The following ATP10D variants were observed in gnomAD, a reference collection of about 807,000 sequenced individuals.
ATP10D encodes ATPase phospholipid transporting 10D (putative), also known as phospholipid-transporting ATPase VD.
A neutral mutation model predicts 144.8 loss-of-function variants in ATP10D; 89 were observed. The ratio of observed to expected loss-of-function variants is 0.61; its 90% CI spans 0.52 to 0.73. The LOEUF (loss-of-function observed/expected upper bound fraction) is 0.73, where lower values mean the gene tolerates loss of function less well. Among genes scored for constraint, ATP10D ranks in the 30% least tolerant of loss-of-function variants. The pLI is 0.00. For missense variants in ATP10D, 1,603 were observed against 1,714.8 expected (o/e 0.93, Z 1.15); for synonymous variants, 571 against 615.1 (o/e 0.93, Z 1.06).
chr4:47,525,281 A>G (rs975021856), intron 4 of ATP10D, among the ~76,000 whole-genome samples: 10 of 152,172 alleles, frequency 6.6e-5, no homozygotes, highest in Admixed American at 5.2e-4. Flanking sequence ...GTTTATAAGT[A>G]TAAGCTCTCT....
In ATP10D at chr4:47,558,127, C is replaced by T. The variant is rs1285199096; in HGVS notation, c.2288C>T (p.Thr763Ile). ...GACTTTGCTGCTTTGGGACCATTAA[C>T]ATTTCAACTCCTACACATCCTGCCC... ...MVDFAALGPL[T>I]FQLLHILPFD... is the part of the protein sequence containing the mutation. Residue 763 changes from threonine (T) to isoleucine (I), a missense_variant, in exon 12 of 23, where the codon ACA (threonine) becomes ATA (isoleucine). By Grantham distance (89) the Thr-to-Ile change is moderately conservative. Coordinates refer to ENST00000273859, the MANE Select transcript of ATP10D (RefSeq NM_020453.4). 3.7e-6 allele frequency: 6 copies of T among 1,614,084 alleles called. No homozygotes were observed. In the East Asian group the frequency reaches 1.3e-4, roughly 36 times the overall value.
intron 7 of ATP10D, among the ~76,000 whole-genome samples, 194 bp downstream of exon 7, chr4:47,536,227 T>C (rs922183784): frequency 2.6e-5 from 4 of 152,102 alleles, no homozygotes; most frequent in African/African-American, 9.7e-5. Flanking sequence ...CGTTTTGCCA[T>C]AGTACTGAAG....
At chr4:47,520,238 G>A (rs1056196762) in intron 3 of ATP10D, among the ~76,000 whole-genome samples, 1 of 152,148 alleles carries the variant, frequency 6.6e-6, no homozygotes. Context: ...CATGAATTAT[G>A]TACCTCAAAT....
chr4:47,508,868 C>T (rs1413596089), intron 1 of ATP10D, among the ~76,000 whole-genome samples: 1 of 152,154 alleles, frequency 6.6e-6, no homozygotes, highest in Non-Finnish European at 1.5e-5. Context: ...TGCTGTAGGA[C>T]TAATGGTTTG....
At position 47,525,662 on chromosome 4, in the gene ATP10D, C is replaced by T. The variant is rs749857707; in HGVS notation, c.776+20C>T. ...CTTCCTGTGAGTAATACATGATGAA[C>T]ATTTGTGGGTGTAAGTGGAATTGTG... is the stretch of plus-strand genomic sequence containing the variant. On this transcript the variant is annotated intron_variant, in intron 5 of 22. Coordinates refer to ENST00000273859, the MANE Select transcript of ATP10D (RefSeq NM_020453.4). 25 of 1,560,720 alleles carry T rather than the reference C, an allele frequency of 1.6e-5. No homozygotes were observed. The South Asian group carries it at 2.8e-4, about 17-fold the overall frequency.
intron 1 of ATP10D, among the ~76,000 whole-genome samples, chr4:47,494,427 A>G (rs1400035422): frequency 6.6e-6 from 1 of 151,952 alleles, no homozygotes; most frequent in Non-Finnish European, 1.5e-5. Context: ...ATTAAAATCC[A>G]AGCATAAAAA....
intron 3 of ATP10D, among the ~76,000 whole-genome samples, chr4:47,521,590 A>G (rs1398137717): frequency 4.6e-5 from 7 of 152,216 alleles, no homozygotes; most frequent in Admixed American, 4.6e-4. Context: ...GTTGGCAAAC[A>G]GAAGTATGGT....
chr4:47,486,797 C>T (rs1038256941), intron 1 of ATP10D, among the ~76,000 whole-genome samples: 3 of 152,100 alleles, frequency 2.0e-5, no homozygotes, highest in Non-Finnish European at 4.4e-5. Context: ...TTAAAAATAA[C>T]ATTTAATTTT....
At chr4:47,540,654 A>G (rs1051508185) in intron 9 of ATP10D, among the ~76,000 whole-genome samples, 1 of 152,180 alleles carries the variant, frequency 6.6e-6, no homozygotes, top group Non-Finnish European at 1.5e-5. Context: ...ATCATCTTGC[A>G]TTAGTCATAT....
intron 9 of ATP10D, among the ~76,000 whole-genome samples, chr4:47,537,934 T>C (rs1014204904): frequency 1.3e-5 from 2 of 152,180 alleles, no homozygotes; most frequent in African/African-American, 4.8e-5. Flanking sequence ...AAGATTAAAA[T>C]TATGATAAAT....
At chr4:47,562,853 A>G (rs1719395699) in intron 14 of ATP10D, among the ~76,000 whole-genome samples, 1 of 152,152 alleles carries the variant, frequency 6.6e-6, no homozygotes, top group South Asian at 2.1e-4. Flanking sequence ...ATACACACAC[A>G]CACACATATA....
intron 1 of ATP10D, among the ~76,000 whole-genome samples, chr4:47,487,230 C>A (rs13146884): frequency 0.36 from 8,807 of 24,440 alleles, 830 homozygotes; most frequent in Middle Eastern, 0.45. Context: ...ACTCCGTCCC[C>A]CAAAAAAAAA....
rs912415432 is a variant in ATP10D, at chr4:47,523,203, G to A, written c.677G>A (p.Gly226Glu). 1 of 1,613,810 alleles carries A rather than the reference G, an allele frequency of 6.2e-7. No individual in the cohort carries two copies. Among genetic ancestry groups the A allele is most frequent in the South Asian group, 1.1e-5 (1 of 91,052 alleles). ...SNLKQRQVVR[G>E]YAEQDSEVDP... ...TTAAAACAGAGGCAGGTGGTTCGGG[G>A]ATATGCAGAACAGGTAAGTCATATG... The change falls in exon 4 of 23, where the codon GGA (glycine) becomes GAA (glutamate). Residue 226 changes from glycine to glutamate, a missense_variant. By Grantham distance (98) the Gly-to-Glu change is moderately conservative. Coordinates refer to ENST00000273859, the MANE Select transcript of ATP10D (RefSeq NM_020453.4).
chr4:47,493,300 T>C (rs763656661), intron 1 of ATP10D, among the ~76,000 whole-genome samples: 5 of 152,236 alleles, frequency 3.3e-5, no homozygotes, highest in African/African-American at 7.2e-5. Flanking sequence ...CCCTGACTTA[T>C]GATGGTTCAA....
intron 19 of ATP10D, among the ~76,000 whole-genome samples, chr4:47,577,408 T>G (rs1364599174): frequency 6.6e-6 from 1 of 152,194 alleles, no homozygotes; most frequent in Non-Finnish European, 1.5e-5. Context: ...GTTTGGTATA[T>G]GTTAGAAAGA....
intron 16 of ATP10D, among the ~76,000 whole-genome samples, chr4:47,571,353 AATTAT>A (rs1308919330): frequency 3.4e-5 from 5 of 149,108 alleles, no homozygotes; most frequent in African/African-American, 7.3e-5. Context: ...AATATATAAC[AATTAT>A]ATTATAACTT....
intron 1 of ATP10D, among the ~76,000 whole-genome samples, chr4:47,492,437 A>T (rs1449533878): frequency 6.6e-6 from 1 of 152,210 alleles, no homozygotes; most frequent in African/African-American, 2.4e-5. Context: ...GGTATTTATC[A>T]TGAATCTATT....
intron 18 of ATP10D, among the ~76,000 whole-genome samples, chr4:47,575,192 A>G (rs1002157871): frequency 6.6e-6 from 1 of 152,156 alleles, no homozygotes; most frequent in Non-Finnish European, 1.5e-5. Context: ...AGAGGAGGAA[A>G]TAATAATTCA....
At chr4:47,515,421 A>T (rs1188906438) in intron 2 of ATP10D, 55 bp from the exon 3 acceptor site, 10 of 1,418,220 alleles carry the variant, frequency 7.1e-6, no homozygotes, top group African/African-American at 1.4e-5. Context: ...TTTGCCTCTG[A>T]CATCAGTCCT....
Sources: gnomAD v4.1 joint callset for allele counts (sites outside exome capture counted in the v4.1 genomes callset) on GRCh38, gnomAD v4.1.1 for gene constraint, MANE v1.5 for transcripts, NCBI Gene and HGNC (gene_info 2026-07-23, HGNC 2026-07-21) for gene names.